Variants in PCSK2 observed in about 807,000 individuals in gnomAD.
PCSK2 encodes neuroendocrine convertase 2.
A neutral mutation model predicts 69.7 loss-of-function variants in PCSK2; 14 were observed. The ratio of observed to expected loss-of-function variants is 0.20; its 90% CI spans 0.13 to 0.31. The LOEUF (loss-of-function observed/expected upper bound fraction) is 0.31. Ranked by LOEUF, PCSK2 falls within the 10% of genes least tolerant of loss-of-function variation. The pLI is 1.00. For synonymous variants in PCSK2, 307 were observed against 320.7 expected, an observed-to-expected ratio of 0.96 and a Z score of 0.46; for missense variants, 544 against 842.5, an observed-to-expected ratio of 0.65 and a Z score of 4.39.
At chr20:17,259,263 CA>C (rs1008365234) in intron 1 of PCSK2, among the ~76,000 whole-genome samples, 3 of 151,724 alleles carry the variant, frequency 2.0e-5, no homozygotes, top group African/African-American at 7.3e-5. Flanking sequence ...GTCCTATTTC[CA>C]AAAAAAGTAC....
chr20:17,254,779 C>A (rs1418119124), intron 1 of PCSK2, among the ~76,000 whole-genome samples: 3 of 152,150 alleles, frequency 2.0e-5, no homozygotes, highest in Non-Finnish European at 4.4e-5. Context: ...AGTTAGGGAG[C>A]ATTGCCATTT....
intron 2 of PCSK2, among the ~76,000 whole-genome samples, chr20:17,338,804 C>G (rs1464801704): frequency 6.6e-6 from 1 of 152,046 alleles, no homozygotes; most frequent in Admixed American, 6.6e-5. Context: ...AAATACATGT[C>G]ATTCCTGGAA....
intron 1 of PCSK2, 93 bp downstream of exon 1, chr20:17,227,575 CTCTT>C (rs1472654236): frequency 4.3e-6 from 4 of 934,960 alleles, no homozygotes; most frequent in Non-Finnish European, 6.6e-6. Context: ...CAAGTTTTCT[CTCTT>C]TCTCATGCGA....
intron 1 of PCSK2, 131 bp from the exon 2 acceptor site, chr20:17,260,109 G>C: frequency 1.5e-6 from 1 of 676,362 alleles, no homozygotes; most frequent in Non-Finnish European, 2.7e-6. Flanking sequence ...ACTGACAGGA[G>C]GTTTGCCAGT....
intron 2 of PCSK2, among the ~76,000 whole-genome samples, chr20:17,339,914 C>A (rs189879757): frequency 6.6e-6 from 1 of 152,340 alleles, no homozygotes; most frequent in Admixed American, 6.5e-5. Context: ...TAAGTTAATG[C>A]TTTGACCTTC....
rs6044749 is a variant in PCSK2, at chr20:17,348,430, T to C, written c.283-9897T>C. Among the ~76,000 whole-genome samples, 830 of 152,308 alleles carry C rather than the reference T, an allele frequency of 5.4e-3. 6 individuals are homozygous for C. Among genetic ancestry groups the C allele is most frequent in the African/African-American group, 0.019 (791 of 41,556 alleles). ...GAAGTAACTGCTGGCATTTCTTGAGTTCACACAGTGGGCCAGGTGCTTATA... is the reference window on the plus strand; with the variant it reads ...GAAGTAACTGCTGGCATTTCTTGAGCTCACACAGTGGGCCAGGTGCTTATA... On this transcript the variant is annotated intron_variant, in intron 2 of 11. Coordinates refer to ENST00000262545, the MANE Select transcript of PCSK2 (RefSeq NM_002594.5).
intron 3 of PCSK2, among the ~76,000 whole-genome samples, chr20:17,360,170 A>G (rs1452033574): frequency 2.0e-5 from 3 of 152,230 alleles, no homozygotes; most frequent in Non-Finnish European, 4.4e-5. Context: ...AGGTAGAAAC[A>G]AAGAGCTATG....
intron 6 of PCSK2, among the ~76,000 whole-genome samples, chr20:17,419,239 G>A (rs924999805): frequency 6.6e-6 from 1 of 152,188 alleles, no homozygotes; most frequent in Admixed American, 6.5e-5. Context: ...GTGTATATTA[G>A]AATAGCTTGC....
chr20:17,354,322 G>A (rs2030120673), intron 2 of PCSK2, among the ~76,000 whole-genome samples: 1 of 152,144 alleles, frequency 6.6e-6, no homozygotes, highest in African/African-American at 2.4e-5. Context: ...GTTATTTTCT[G>A]AGAAGGGGAA....
intron 11 of PCSK2, among the ~76,000 whole-genome samples, chr20:17,477,112 G>A (rs2033304524): frequency 6.6e-6 from 1 of 152,202 alleles, no homozygotes. Context: ...AGCCCTCCCA[G>A]GTTCATGGCC....
chr20:17,342,240 G>C (rs1990530349), intron 2 of PCSK2, among the ~76,000 whole-genome samples: 1 of 152,236 alleles, frequency 6.6e-6, no homozygotes, highest in Non-Finnish European at 1.5e-5. Flanking sequence ...ACATTGTTGA[G>C]ATGGTGTTAT....
intron 5 of PCSK2, among the ~76,000 whole-genome samples, chr20:17,380,209 C>A (rs73087823): frequency 0.026 from 4,003 of 152,348 alleles, 108 homozygotes; most frequent in Middle Eastern, 0.088. Flanking sequence ...AATAAAAAAA[C>A]TAATACAACC....
intron 11 of PCSK2, chr20:17,479,256 C>G: frequency 8.6e-7 from 1 of 1,157,280 alleles, no homozygotes; most frequent in South Asian, 1.2e-5. Flanking sequence ...ATAAGCTTTT[C>G]CCAGCTTAGG....
In PCSK2 at chr20:17,391,897, A is replaced by G. The variant is rs899183742; in HGVS notation, c.544-17366A>G. Among the ~76,000 whole-genome samples, 5 of 37,222 alleles carry G rather than the reference A, an allele frequency of 1.3e-4. No individual in the cohort carries two copies. The East Asian group carries it at 2.7e-3, about 20-fold the overall frequency. 24.4% of individuals were successfully genotyped at this position (37,222 alleles called of 152,430 possible). ...GAAAGAAAAAAAGAAAGAGAGAGAG[A>G]AAGAGAGAGAGGAAGGAAGGAAGGA... On this transcript the variant is annotated intron_variant, in intron 5 of 11. Coordinates refer to ENST00000262545, the MANE Select transcript of PCSK2 (RefSeq NM_002594.5).
intron 5 of PCSK2, among the ~76,000 whole-genome samples, chr20:17,387,321 C>CAT (rs1249010986): frequency 1.3e-5 from 2 of 152,116 alleles, no homozygotes; most frequent in African/African-American, 2.4e-5. Flanking sequence ...AAACAAAATA[C>CAT]ATATATATAT....
intron 6 of PCSK2, among the ~76,000 whole-genome samples, chr20:17,414,331 A>G (rs1046256821): frequency 2.6e-5 from 4 of 152,244 alleles, no homozygotes; most frequent in Non-Finnish European, 5.9e-5. Flanking sequence ...AAATAGACGC[A>G]TTCAAAAATG....
intron 6 of PCSK2, among the ~76,000 whole-genome samples, chr20:17,420,467 T>C (rs1189714089): frequency 2.0e-5 from 3 of 152,238 alleles, no homozygotes; most frequent in African/African-American, 7.2e-5. Context: ...CAGAGCACAG[T>C]GAAATCCAAC....
chr20:17,322,375 T>A (rs1227664646), intron 2 of PCSK2, among the ~76,000 whole-genome samples: 1 of 152,160 alleles, frequency 6.6e-6, no homozygotes, highest in Non-Finnish European at 1.5e-5. Flanking sequence ...TGTTATGGGA[T>A]AAACTGTGCC....
chr20:17,479,796 CAAAAAAAA>C (rs5840770), intron 11 of PCSK2, among the ~76,000 whole-genome samples: 2,744 of 89,798 alleles, frequency 0.031, 98 homozygotes, highest in African/African-American at 0.1. Context: ...GACTCCGTCT[CAAAAAAAA>C]AAAAAAAAAA....
Sources: allele counts gnomAD v4.1 joint callset (sites outside exome capture counted in the v4.1 genomes callset), GRCh38; gene constraint gnomAD v4.1.1; transcripts MANE v1.5; gene names NCBI Gene and HGNC (gene_info 2026-07-23, HGNC 2026-07-21).